Variants in THAP6 observed in about 807,000 individuals in gnomAD.
THAP6 encodes the protein THAP domain-containing protein 6.
In THAP6, 13 loss-of-function variants were observed where a neutral mutation model predicts 20.0. That is an observed-to-expected ratio of 0.65 (90% CI 0.42 to 1.03). THAP6 has a LOEUF of 1.03. Ranked by LOEUF, THAP6 falls within the 50% of genes least tolerant of loss-of-function variation. The pLI is 0.00. For synonymous variants in THAP6, 93 were observed against 92.2 expected (o/e 1.01, Z -0.05); for missense variants, 262 against 261.6 (o/e 1.00, Z -0.01).
chr4:75,523,008 T>TA (rs1417347890), intron 4 of THAP6, among the ~76,000 whole-genome samples: 3 of 152,242 alleles, frequency 2.0e-5, no homozygotes, highest in African/African-American at 7.2e-5. Context: ...AGCTCTATTT[T>TA]AGTTTTTTGA....
At chr4:75,535,565 G>A (rs1386135785) in intron 2 of THAP6, among the ~76,000 whole-genome samples, 3 of 152,206 alleles carry the variant, frequency 2.0e-5, no homozygotes, top group Non-Finnish European at 4.4e-5. Flanking sequence ...CAGTAATGAA[G>A]AATTAGTGAT....
intron 4 of THAP6, among the ~76,000 whole-genome samples, chr4:75,523,817 A>AAAAAG (rs1358759855): frequency 3.1e-4 from 47 of 150,198 alleles, no homozygotes; most frequent in Non-Finnish European, 3.7e-4. Context: ...AAAAAAAAAA[A>AAAAAG]AAAAGAAAAG....
chr4:75,535,074 A>G (rs2148828707), intron 2 of THAP6, among the ~76,000 whole-genome samples: 1 of 152,322 alleles, frequency 6.6e-6, no homozygotes, highest in South Asian at 2.1e-4. Context: ...AGGATTATAA[A>G]TCAGGCTGCT....
chr4:75,539,769 ATTT>A, intron 2 of THAP6: 1 of 1,512,198 alleles, frequency 6.6e-7, no homozygotes, highest in East Asian at 2.5e-5. Context: ...GGTGGTGAGA[ATTT>A]TATTTCATTG....
downstream of THAP6, among the ~76,000 whole-genome samples, chr4:75,534,552 A>G (rs919164319): frequency 3.3e-5 from 5 of 152,240 alleles, no homozygotes; most frequent in African/African-American, 9.6e-5. Flanking sequence ...AGAAGCCAAA[A>G]TTGACAAATT....
intron 2 of THAP6, among the ~76,000 whole-genome samples, chr4:75,516,183 A>G (rs1725612561): frequency 6.6e-6 from 1 of 152,216 alleles, no homozygotes; most frequent in Non-Finnish European, 1.5e-5. Flanking sequence ...ATCCTACCTT[A>G]TTTTAGAAAA....
chr4:75,537,134 C>G (rs578174012), intron 2 of THAP6, among the ~76,000 whole-genome samples: 3 of 151,792 alleles, frequency 2.0e-5, no homozygotes, highest in Non-Finnish European at 4.4e-5. Flanking sequence ...TGAGTATGGG[C>G]AGAGCTGAAA....
intron 3 of THAP6, among the ~76,000 whole-genome samples, chr4:75,546,441 C>T (rs910074575): frequency 3.3e-5 from 5 of 152,184 alleles, no homozygotes; most frequent in Non-Finnish European, 7.3e-5. Context: ...CTTCATTGTC[C>T]ATAAACACCC....
At position 75,521,732 on chromosome 4, in the gene THAP6, A is replaced by G; in HGVS notation, c.289-4A>G. ...TGATGATTATTATTAACTACTCTTA[A>G]CAGGGGAAAAGAGAAAAACTTCATT... On this transcript the variant is annotated splice_region_variant and splice_polypyrimidine_tract_variant and intron_variant, in intron 3 of 4. Coordinates refer to ENST00000311638, the MANE Select transcript of THAP6 (RefSeq NM_144721.6). The G allele has an allele frequency of 1.2e-6, 2 of 1,607,734 alleles. No homozygotes were observed. Among genetic ancestry groups the G allele is most frequent in the Non-Finnish European group, 1.7e-6 (2 of 1,176,846 alleles).
chr4:75,536,255 G>C (rs1316434062), intron 2 of THAP6, among the ~76,000 whole-genome samples: 1 of 152,082 alleles, frequency 6.6e-6, no homozygotes, highest in African/African-American at 2.4e-5. Flanking sequence ...ACCTGAGGTC[G>C]GGAGTTCAAG....
At chr4:75,533,012 C>T (rs371046792), downstream of THAP6, among the ~76,000 whole-genome samples, 20 of 152,308 alleles carry the variant, frequency 1.3e-4, no homozygotes, top group Admixed American at 4.6e-4. Flanking sequence ...TCATTACTTA[C>T]GCAAGTTTCT....
chr4:75,529,334 A>C lies in THAP6; in HGVS notation c.*2120A>C. On this transcript the variant is annotated 3_prime_UTR_variant, in exon 5 of 5. Coordinates refer to ENST00000311638, the MANE Select transcript of THAP6 (RefSeq NM_144721.6). ...AACCTGGAAGACCTTTCCAAGAGTA[A>C]AATCCCAGTCTGCCACTATCAAAAT... 1.0e-6 allele frequency: 1 copy of C among 985,444 alleles called. No individual in the cohort carries two copies. The highest frequency in any genetic ancestry group is 1.2e-6 in the Non-Finnish European group (1 of 829,946). 61.0% of individuals were successfully genotyped at this position (985,444 alleles called of 1,614,324 possible). A position where few individuals can be genotyped will look rare whatever the true frequency, so the allele number is the denominator to read the frequency against.
intron 1 of THAP6, 97 bp downstream of exon 1, chr4:75,514,617 G>A (rs533884442): frequency 4.1e-6 from 1 of 241,202 alleles, no homozygotes; most frequent in African/African-American, 2.2e-5. Flanking sequence ...GCGCGGAGAC[G>A]CTGGTTGGCC....
intron 3 of THAP6, chr4:75,542,580 T>C: frequency 1.6e-6 from 1 of 612,434 alleles, no homozygotes; most frequent in Non-Finnish European, 2.9e-6. Context: ...TATTCTCATT[T>C]TACAGAAGAG....
At chr4:75,519,826 T>A (rs1725911433) in intron 3 of THAP6, among the ~76,000 whole-genome samples, 1 of 151,772 alleles carries the variant, frequency 6.6e-6, no homozygotes, top group Non-Finnish European at 1.5e-5. Flanking sequence ...TGATTTATAG[T>A]CCTTTGGGTA....
intron 4 of THAP6, among the ~76,000 whole-genome samples, chr4:75,523,540 A>G (rs1726168199): frequency 6.6e-6 from 1 of 152,144 alleles, no homozygotes; most frequent in African/African-American, 2.4e-5. Context: ...GTGATGGCTC[A>G]TGCCTGTAAT....
At chr4:75,525,337 CTG>C (rs1201859990) in intron 4 of THAP6, among the ~76,000 whole-genome samples, 2 of 152,072 alleles carry the variant, frequency 1.3e-5, no homozygotes, top group Admixed American at 1.3e-4. Context: ...CCTTTTCTCT[CTG>C]TAGTCCATAC....
At chr4:75,518,125 G>T (rs189806358) in intron 3 of THAP6, among the ~76,000 whole-genome samples, 6 of 152,266 alleles carry the variant, frequency 3.9e-5, no homozygotes, top group African/African-American at 4.8e-5. Context: ...TTGGTCTAGG[G>T]CTTTTGTTTT....
At chr4:75,515,588 G>C in intron 2 of THAP6, 56 bp downstream of exon 2, 1 of 1,565,608 alleles carries the variant, frequency 6.4e-7, no homozygotes, top group South Asian at 1.1e-5. Context: ...AAAAGCAAAA[G>C]ACAGTTCTAC....
Sources: allele counts gnomAD v4.1 joint callset (sites outside exome capture counted in the v4.1 genomes callset), GRCh38; gene constraint gnomAD v4.1.1; transcripts MANE v1.5; gene names NCBI Gene and HGNC (gene_info 2026-07-23, HGNC 2026-07-21).